The following PTPRG variants were observed in gnomAD, a reference collection of about 807,000 sequenced individuals.
The protein encoded by PTPRG is protein tyrosine phosphatase receptor type G, also known as receptor-type tyrosine-protein phosphatase gamma.
A neutral mutation model predicts 165.3 loss-of-function variants in PTPRG; 102 were observed. The observed-to-expected ratio is 0.62, with a 90% CI of 0.53 to 0.73. The LOEUF (loss-of-function observed/expected upper bound fraction) is 0.73. Among genes scored for constraint, PTPRG ranks in the 30% least tolerant of loss-of-function variants. The pLI is 0.00. For missense variants in PTPRG, 1,866 were observed against 1,861.4 expected, an observed-to-expected ratio of 1.00 and a Z score of -0.05; for synonymous variants, 675 against 669.5, an observed-to-expected ratio of 1.01 and a Z score of -0.13.
At chr3:61,866,191 G>A (rs1485555560) in intron 2 of PTPRG, among the ~76,000 whole-genome samples, 1 of 152,066 alleles carries the variant, frequency 6.6e-6, no homozygotes, top group East Asian at 1.9e-4. Flanking sequence ...CACTCTTCAG[G>A]GATGCTGTCT....
At chr3:61,786,360 C>T (rs947766978) in intron 2 of PTPRG, among the ~76,000 whole-genome samples, 20 of 152,180 alleles carry the variant, frequency 1.3e-4, no homozygotes, top group Admixed American at 6.5e-5. Flanking sequence ...ATGGGAAGCA[C>T]ATGATACGAA....
rs967212287 is a variant in PTPRG at position 62,222,907 on chromosome 3, G to A, written c.2288+3924G>A. Among the ~76,000 whole-genome samples the A allele has an allele frequency of 6.6e-6, 1 of 152,050 alleles. No homozygotes were observed. The highest frequency in any genetic ancestry group is 2.4e-5 in the African/African-American group (1 of 41,416). On this transcript the variant is annotated intron_variant, in intron 13 of 29. Transcript: ENST00000474889. This position sits in a 1 kb window ranked among gnomAD's most constrained non-coding sequence, Gnocchi z 4.5. ...ATAGAATTGAGTATGGGGAGTATTT[G>A]GAGAAGGATAAATCCAAGTTGCTAT...
chr3:62,004,370 T>A (rs2041243893), intron 4 of PTPRG, among the ~76,000 whole-genome samples: 1 of 152,226 alleles, frequency 6.6e-6, no homozygotes, highest in East Asian at 1.9e-4. Context: ...TTGACCCTTC[T>A]GCTCTTAAAA....
At chr3:62,140,710 G>A (rs1319662697) in intron 6 of PTPRG, among the ~76,000 whole-genome samples, 1 of 152,016 alleles carries the variant, frequency 6.6e-6, no homozygotes, top group Admixed American at 6.6e-5. Flanking sequence ...AGCCAGGCAT[G>A]GTGTTATGCG....
intron 2 of PTPRG, among the ~76,000 whole-genome samples, chr3:61,864,938 G>A (rs549534009): frequency 2.4e-4 from 36 of 152,194 alleles, no homozygotes; most frequent in Non-Finnish European, 3.8e-4. Context: ...TCTCAGGAAG[G>A]CCCACCATGC....
chr3:61,862,672 G>A, intron 2 of PTPRG, among the ~76,000 whole-genome samples: 1 of 152,152 alleles, frequency 6.6e-6, no homozygotes, highest in East Asian at 1.9e-4. Flanking sequence ...TGGGATTACA[G>A]GTGTAAGCCA....
At chr3:61,732,172 G>C (rs2032526402) in intron 1 of PTPRG, among the ~76,000 whole-genome samples, 1 of 152,116 alleles carries the variant, frequency 6.6e-6, no homozygotes, top group Admixed American at 6.5e-5. Context: ...GAATTAATTA[G>C]AATAATTTAT....
intron 1 of PTPRG, among the ~76,000 whole-genome samples, chr3:61,600,004 A>G (rs996843843): frequency 2.0e-5 from 3 of 151,810 alleles, no homozygotes; most frequent in African/African-American, 7.3e-5. Context: ...ACCAAAAAAT[A>G]CAAAAATTAG....
At chr3:61,910,566 T>A (rs2038776205) in intron 2 of PTPRG, among the ~76,000 whole-genome samples, 3 of 152,196 alleles carry the variant, frequency 2.0e-5, no homozygotes, top group Admixed American at 2.0e-4. Flanking sequence ...TCCTTTCCTT[T>A]CTATGCTGGT....
chr3:62,002,684 A>AT (rs1236747552), intron 3 of PTPRG, among the ~76,000 whole-genome samples: 1 of 152,076 alleles, frequency 6.6e-6, no homozygotes, highest in South Asian at 2.1e-4. Context: ...AAGGGAAAAT[A>AT]TTTTTTTGCT....
chr3:62,045,519 C>A (rs1424251428), intron 4 of PTPRG, among the ~76,000 whole-genome samples: 1 of 152,136 alleles, frequency 6.6e-6, no homozygotes. Context: ...CTCATTTTGT[C>A]CAGCTCTTAG....
At chr3:61,647,921 G>T (rs1255008059) in intron 1 of PTPRG, among the ~76,000 whole-genome samples, 1 of 151,834 alleles carries the variant, frequency 6.6e-6, no homozygotes, top group African/African-American at 2.4e-5. Flanking sequence ...TGTCCTGATT[G>T]TGATTGCGGC....
intron 23 of PTPRG, among the ~76,000 whole-genome samples, chr3:62,275,517 G>A (rs1268291361): frequency 6.6e-6 from 1 of 152,132 alleles, no homozygotes; most frequent in Non-Finnish European, 1.5e-5. Flanking sequence ...GAAAGCACAA[G>A]AGTGTTCTCT....
At chr3:61,830,921 CTGTAGTGAA>C (rs1314878455) in intron 2 of PTPRG, among the ~76,000 whole-genome samples, 1 of 152,134 alleles carries the variant, frequency 6.6e-6, no homozygotes, top group Non-Finnish European at 1.5e-5. Flanking sequence ...ATTTGTGGAG[CTGTAGTGAA>C]ATTTGTGCTT....
chr3:61,648,280 A>G (rs959340243), intron 1 of PTPRG, among the ~76,000 whole-genome samples: 1 of 152,230 alleles, frequency 6.6e-6, no homozygotes, highest in East Asian at 1.9e-4. Flanking sequence ...ATAAGGTCTC[A>G]TGACTGCATC....
At chr3:62,200,119 G>A (rs908657210) in intron 10 of PTPRG, among the ~76,000 whole-genome samples, 1 of 152,174 alleles carries the variant, frequency 6.6e-6, no homozygotes, top group South Asian at 2.1e-4. Context: ...TCTTCAATGC[G>A]TGTAGAGTTT....
intron 2 of PTPRG, among the ~76,000 whole-genome samples, chr3:61,794,588 C>G (rs1444904820): frequency 3.3e-5 from 5 of 152,206 alleles, no homozygotes; most frequent in African/African-American, 7.2e-5. Context: ...TCAGTGATAG[C>G]ATGCTTTGCT....
At chr3:61,710,470 C>T (rs927755921) in intron 1 of PTPRG, among the ~76,000 whole-genome samples, 16 of 152,310 alleles carry the variant, frequency 1.1e-4, no homozygotes, top group African/African-American at 3.8e-4. Flanking sequence ...GGAAACTTCT[C>T]TTAGTCTCTT....
chr3:61,649,103 A>G (rs1702279430), intron 1 of PTPRG, among the ~76,000 whole-genome samples: 1 of 152,064 alleles, frequency 6.6e-6, no homozygotes, highest in East Asian at 1.9e-4. Flanking sequence ...AGACTGGTTA[A>G]TTTATTTTAC....
Sources: gnomAD v4.1 joint callset for allele counts (sites outside exome capture counted in the v4.1 genomes callset) on GRCh38, gnomAD v4.1.1 for gene constraint, Gnocchi (gnomAD v3.1) non-coding constraint, MANE v1.5 for transcripts, NCBI Gene and HGNC (gene_info 2026-07-23, HGNC 2026-07-21) for gene names.